The following PTGFRN variants were observed in gnomAD, a reference collection of about 807,000 sequenced individuals.
The protein encoded by PTGFRN is prostaglandin F2 receptor negative regulator.
Under a neutral mutation model 83.2 loss-of-function variants are expected in PTGFRN, and 35 were observed. That is an observed-to-expected ratio of 0.42 (90% CI 0.32 to 0.56). The LOEUF is 0.56. Among genes scored for constraint, PTGFRN ranks in the 20% least tolerant of loss-of-function variants. PTGFRN has a pLI of 0.11. For synonymous variants in PTGFRN, 519 were observed against 498.6 expected, an observed-to-expected ratio of 1.04 and a Z score of -0.55; for missense variants, 1,051 against 1,179.5, an observed-to-expected ratio of 0.89 and a Z score of 1.60.
At position 116,961,127 on chromosome 1, in the gene PTGFRN, G is replaced by T. The variant is rs1650647188; in HGVS notation, c.1214-116G>T. On this transcript the variant is annotated intron_variant, in intron 4 of 8. Transcript: ENST00000393203. The surrounding 1 kb of genome is among the most constrained non-coding windows in gnomAD (Gnocchi z 5.4). ...GACTGATTTCTGTCTCTCTAGTCCG[G>T]CAGGAGAAGCATTTAATTGTTAAAA... 10 of 1,121,008 alleles carry T rather than the reference G, an allele frequency of 8.9e-6. No homozygotes were observed. The highest frequency in any genetic ancestry group is 9.6e-6 in the Non-Finnish European group (8 of 830,296). The allele number at this position is 1,121,008 out of a possible 1,614,324, so 69.4% of individuals were successfully genotyped here. A position where few individuals can be genotyped will look rare whatever the true frequency, so the allele number is the denominator to read the frequency against.
At chr1:116,928,693 T>A (rs1190382331) in intron 1 of PTGFRN, among the ~76,000 whole-genome samples, 1 of 152,232 alleles carries the variant, frequency 6.6e-6, no homozygotes, top group Non-Finnish European at 1.5e-5. Context: ...TTCTGATGCT[T>A]ATTCTAAACC....
At chr1:116,944,432 G>A (rs1409151530) in intron 2 of PTGFRN, among the ~76,000 whole-genome samples, 5 of 152,166 alleles carry the variant, frequency 3.3e-5, no homozygotes, top group Admixed American at 2.6e-4. Context: ...CATCCCCAAG[G>A]CACGACTCCC....
chr1:116,913,939 T>C (rs1308434669), intron 1 of PTGFRN, among the ~76,000 whole-genome samples: 7 of 152,238 alleles, frequency 4.6e-5, no homozygotes, highest in Non-Finnish European at 8.8e-5. Context: ...TTGAGATACT[T>C]TTTTAAGTGT....
intron 1 of PTGFRN, among the ~76,000 whole-genome samples, chr1:116,938,511 T>G (rs1381681688): frequency 6.6e-6 from 1 of 152,114 alleles, no homozygotes; most frequent in African/African-American, 2.4e-5. Flanking sequence ...CGAGACTTAC[T>G]CATTATCATG....
At chr1:116,927,837 T>C (rs1649692915) in intron 1 of PTGFRN, among the ~76,000 whole-genome samples, 1 of 152,182 alleles carries the variant, frequency 6.6e-6, no homozygotes, top group African/African-American at 2.4e-5. Context: ...GTAATGGTTG[T>C]CTTGGCAGCA....
rs150800715 is a variant in PTGFRN, at chr1:116,918,650, G to A, written c.49+8398G>A. Reference sequence around the variant, plus strand: ...AAAGCCATGGTCAGAGTCTGAGCTGGAGGAGAGTGGGCTGGGGCTGGACCC... The same window carrying A: ...AAAGCCATGGTCAGAGTCTGAGCTGAAGGAGAGTGGGCTGGGGCTGGACCC... On this transcript the variant is annotated intron_variant, in intron 1 of 8. Transcript: ENST00000393203. This position sits in a 1 kb window ranked among gnomAD's most constrained non-coding sequence, Gnocchi z 4.1. 5.3e-5 allele frequency among the ~76,000 whole-genome samples: 8 copies of A among 152,358 alleles called. No homozygotes were observed. Among genetic ancestry groups the A allele is most frequent in the African/African-American group, 1.9e-4 (8 of 41,590 alleles).
chr1:116,939,951 C>A (rs963175170), intron 1 of PTGFRN, among the ~76,000 whole-genome samples: 1 of 152,184 alleles, frequency 6.6e-6, no homozygotes, highest in Non-Finnish European at 1.5e-5. Flanking sequence ...CAGTTCCCAA[C>A]AAGTTCCTCA....
Position 116,988,657 on chromosome 1 carries a change from C to G in PTGFRN, c.*1690C>G, listed in dbSNP as rs1651596281. 1 of 152,950 alleles carries G rather than the reference C, an allele frequency of 6.5e-6. No homozygotes were observed. The highest frequency in any genetic ancestry group is 1.5e-5 in the Non-Finnish European group (1 of 68,186). The allele number at this position is 152,950 out of a possible 1,614,324, so 9.5% of individuals were successfully genotyped here. The stretch of plus-strand genomic sequence containing the variant: ...ATGGGCCGGATGAGTTGTGCTCCTC[C>G]TGGCTCACCATTTCCCCCTGCTCCC... On this transcript the variant is annotated 3_prime_UTR_variant, in exon 9 of 9. Coordinates refer to ENST00000393203, the MANE Select transcript of PTGFRN (RefSeq NM_020440.4).
At chr1:116,977,436 A>G (rs557967099) in intron 7 of PTGFRN, among the ~76,000 whole-genome samples, 2 of 152,208 alleles carry the variant, frequency 1.3e-5, no homozygotes, top group Admixed American at 6.5e-5. Context: ...TCAGCAACAC[A>G]TCGCACTTAT....
At chr1:116,951,068 T>C (rs1259158935) in intron 4 of PTGFRN, among the ~76,000 whole-genome samples, 1 of 152,196 alleles carries the variant, frequency 6.6e-6, no homozygotes, top group Non-Finnish European at 1.5e-5. Context: ...CAGCACTGGC[T>C]CTCCGTACCC....
intron 1 of PTGFRN, among the ~76,000 whole-genome samples, chr1:116,912,114 G>A (rs538603625): frequency 6.6e-6 from 1 of 152,174 alleles, no homozygotes; most frequent in Non-Finnish European, 1.5e-5. Context: ...GAGAAGAGGG[G>A]AGGGGGCAAA....
intron 6 of PTGFRN, among the ~76,000 whole-genome samples, chr1:116,972,841 G>A (rs1208944721): frequency 2.0e-5 from 3 of 152,240 alleles, no homozygotes; most frequent in Non-Finnish European, 4.4e-5. Flanking sequence ...GAATTCATAA[G>A]TGAGTTAAAA....
At chr1:116,983,206 C>T (rs1651369949) in intron 7 of PTGFRN, among the ~76,000 whole-genome samples, 1 of 152,146 alleles carries the variant, frequency 6.6e-6, no homozygotes, top group Non-Finnish European at 1.5e-5. Flanking sequence ...TCACATGGTT[C>T]ATTAGTGCTG....
chr1:116,950,728 C>T (rs1199631284), intron 4 of PTGFRN, among the ~76,000 whole-genome samples: 1 of 151,948 alleles, frequency 6.6e-6, no homozygotes. Context: ...AGAAGAAGAG[C>T]AATGAGAGTA....
chr1:116,982,066 A>G (rs577352930), intron 7 of PTGFRN, among the ~76,000 whole-genome samples: 1 of 152,366 alleles, frequency 6.6e-6, no homozygotes, highest in South Asian at 2.1e-4. Context: ...GAGGACAGAA[A>G]GCAGAATTCC....
At chr1:116,965,236 C>T (rs1650790508) in intron 5 of PTGFRN, among the ~76,000 whole-genome samples, 1 of 152,174 alleles carries the variant, frequency 6.6e-6, no homozygotes, top group Non-Finnish European at 1.5e-5. Context: ...ATAGATAGGA[C>T]TTGCTCCCTC....
chr1:116,979,162 A>G (rs1651240008), intron 7 of PTGFRN, among the ~76,000 whole-genome samples: 1 of 152,172 alleles, frequency 6.6e-6, no homozygotes, highest in South Asian at 2.1e-4. Flanking sequence ...CCAACTTACA[A>G]GGGATGTGAA....
chr1:116,932,741 T>C (rs1649829788), intron 1 of PTGFRN, among the ~76,000 whole-genome samples: 2 of 152,298 alleles, frequency 1.3e-5, no homozygotes, highest in Admixed American at 6.5e-5. Context: ...ATATGAAATA[T>C]AGGGAATTTT....
chr1:116,960,517 C>T (rs1650620784), intron 4 of PTGFRN, among the ~76,000 whole-genome samples: 1 of 152,316 alleles, frequency 6.6e-6, no homozygotes, highest in Middle Eastern at 3.4e-3. Context: ...GCTTCCCTCC[C>T]ACCCTTCTCT....
Sources: gnomAD v4.1 joint callset for allele counts (sites outside exome capture counted in the v4.1 genomes callset) on GRCh38, gnomAD v4.1.1 for gene constraint, Gnocchi (gnomAD v3.1) non-coding constraint, MANE v1.5 for transcripts, NCBI Gene and HGNC (gene_info 2026-07-23, HGNC 2026-07-21) for gene names.